AMBRA1: variants seen among roughly 807,000 people sequenced by gnomAD.
AMBRA1 encodes autophagy and beclin 1 regulator 1.
In AMBRA1, 47 loss-of-function variants were observed where a neutral mutation model predicts 125.4. The ratio of observed to expected loss-of-function variants is 0.37; its 90% CI spans 0.30 to 0.48. The LOEUF is 0.48. AMBRA1 is among the 20% of genes least tolerant of loss of function. The probability of loss-of-function intolerance (pLI) is 0.99; values close to 1 mark genes in which losing one functional copy is unlikely to be tolerated. For missense variants in AMBRA1, 1,331 were observed against 1,693.4 expected, an observed-to-expected ratio of 0.79 and a Z score of 3.76; for synonymous variants, 626 against 655.5, an observed-to-expected ratio of 0.95 and a Z score of 0.69.
At chr11:46,552,543 G>C (rs2043037927) in intron 1 of AMBRA1, among the ~76,000 whole-genome samples, 1 of 151,720 alleles carries the variant, frequency 6.6e-6, no homozygotes, top group Non-Finnish European at 1.5e-5. Flanking sequence ...AAGTTAGCTA[G>C]GCGTGATGGT....
chr11:46,581,003 A>G (rs1463765551), intron 1 of AMBRA1, among the ~76,000 whole-genome samples: 1 of 152,032 alleles, frequency 6.6e-6, no homozygotes, highest in African/African-American at 2.4e-5. Flanking sequence ...CATGTCACCC[A>G]TGCTGGTCTC....
At chr11:46,429,955 A>G (rs1055613467) in intron 14 of AMBRA1, among the ~76,000 whole-genome samples, 1 of 152,108 alleles carries the variant, frequency 6.6e-6, no homozygotes, top group African/African-American at 2.4e-5. Context: ...AGAGAGTAGC[A>G]TATCCAGTCT....
chr11:46,464,406 C>T (rs1949234953), intron 11 of AMBRA1, among the ~76,000 whole-genome samples: 1 of 152,140 alleles, frequency 6.6e-6, no homozygotes, highest in Non-Finnish European at 1.5e-5. Context: ...TAATAATTCA[C>T]TATGCACCTT....
intron 11 of AMBRA1, among the ~76,000 whole-genome samples, chr11:46,489,756 G>T (rs1333711474): frequency 3.3e-5 from 5 of 152,144 alleles, no homozygotes; most frequent in Non-Finnish European, 7.3e-5. Context: ...GTAATTACCA[G>T]GAAGCTGTCA....
chr11:46,480,775 C>G (rs1950031758), intron 11 of AMBRA1, among the ~76,000 whole-genome samples: 1 of 152,058 alleles, frequency 6.6e-6, no homozygotes, highest in Admixed American at 6.5e-5. Context: ...ACTGCAAGTC[C>G]CAGGGAATGA....
In AMBRA1 at chr11:46,552,117, C is replaced by T. The variant is rs367807066; in HGVS notation, c.-120-3617G>A. Among the ~76,000 whole-genome samples, 3 of 150,092 alleles carry T rather than the reference C, an allele frequency of 2.0e-5. No homozygotes were observed. In the South Asian group the frequency reaches 6.4e-4, roughly 32 times the overall value. On this transcript the variant is annotated intron_variant, in intron 1 of 17. Coordinates refer to ENST00000683756, the MANE Select transcript of AMBRA1 (RefSeq NM_001387011.1). ...GGCATGGTGGCTCACGCCTATAATC[C>T]CAGCACTTTGGAAGGCCGAGGCAGG...
At chr11:46,425,960 C>T (rs1160266130) in intron 14 of AMBRA1, among the ~76,000 whole-genome samples, 1 of 151,172 alleles carries the variant, frequency 6.6e-6, no homozygotes, top group African/African-American at 2.4e-5. Context: ...TTCTGGCTAA[C>T]ACGGTGAAAC....
chr11:46,530,873 C>T (rs1370661919), intron 7 of AMBRA1, among the ~76,000 whole-genome samples: 2 of 152,182 alleles, frequency 1.3e-5, no homozygotes, highest in African/African-American at 4.8e-5. Flanking sequence ...CACAGCCACA[C>T]TCTCATTCAT....
At chr11:46,570,313 G>C (rs935856514) in intron 1 of AMBRA1, among the ~76,000 whole-genome samples, 1 of 145,970 alleles carries the variant, frequency 6.9e-6, no homozygotes, top group African/African-American at 2.5e-5. Flanking sequence ...AGCTACTCTA[G>C]GAGCCCATCC....
chr11:46,465,845 C>A (rs1243595701), intron 11 of AMBRA1, among the ~76,000 whole-genome samples: 1 of 152,182 alleles, frequency 6.6e-6, no homozygotes, highest in East Asian at 1.9e-4. Context: ...AGAAATTGTG[C>A]AACTGTCCAT....
intron 1 of AMBRA1, among the ~76,000 whole-genome samples, chr11:46,553,667 C>T (rs1168744370): frequency 1.3e-5 from 2 of 151,984 alleles, no homozygotes; most frequent in Admixed American, 6.6e-5. Flanking sequence ...ATCGCTTGGA[C>T]CTGGAAGGTG....
intron 1 of AMBRA1, among the ~76,000 whole-genome samples, chr11:46,578,605 G>A (rs993879065): frequency 1.4e-4 from 21 of 151,638 alleles, no homozygotes; most frequent in Admixed American, 1.3e-3. Context: ...AAACAATGGC[G>A]GGGCACAGTG....
intron 8 of AMBRA1, among the ~76,000 whole-genome samples, chr11:46,510,580 T>C (rs1226046725): frequency 6.6e-6 from 1 of 152,136 alleles, no homozygotes. Flanking sequence ...ATATTATTGG[T>C]GATAGAGGTA....
intron 7 of AMBRA1, chr11:46,518,113 A>G (rs1951585489): frequency 1.0e-6 from 1 of 984,958 alleles, no homozygotes; most frequent in African/African-American, 1.7e-5. Context: ...CTGAAAAGAA[A>G]GAGATAGCCA....
At chr11:46,567,943 T>A (rs1591145396) in intron 1 of AMBRA1, among the ~76,000 whole-genome samples, 1 of 150,896 alleles carries the variant, frequency 6.6e-6, no homozygotes. Flanking sequence ...ACATCAGGGG[T>A]CTGAAACCAG....
chr11:46,414,739 C>T (rs1041900522), intron 15 of AMBRA1, among the ~76,000 whole-genome samples: 2 of 152,100 alleles, frequency 1.3e-5, no homozygotes, highest in African/African-American at 4.8e-5. Flanking sequence ...CGCCTCAGTG[C>T]CAGGAAGGGC....
chr11:46,524,157 C>T (rs527668060), intron 7 of AMBRA1, among the ~76,000 whole-genome samples: 15 of 152,300 alleles, frequency 9.8e-5, no homozygotes, highest in East Asian at 7.7e-4. Flanking sequence ...TGTGAGCCAC[C>T]GCACCCGGCC....
At chr11:46,451,035 G>A (rs1045553362) in intron 11 of AMBRA1, among the ~76,000 whole-genome samples, 9 of 152,232 alleles carry the variant, frequency 5.9e-5, no homozygotes, top group African/African-American at 1.4e-4. Context: ...GAGGGGCCAC[G>A]ACTTTCATTC....
intron 6 of AMBRA1, 98 bp from the exon 7 acceptor site, chr11:46,543,496 G>A: frequency 6.8e-7 from 1 of 1,470,464 alleles, no homozygotes; most frequent in Admixed American, 2.2e-5. Flanking sequence ...AATCATCCAA[G>A]GAAAACAATG....
Sources: allele counts gnomAD v4.1 joint callset (sites outside exome capture counted in the v4.1 genomes callset), GRCh38; gene constraint gnomAD v4.1.1; transcripts MANE v1.5; gene names NCBI Gene and HGNC (gene_info 2026-07-23, HGNC 2026-07-21).